Variants in ADGRL3 observed in about 807,000 individuals in gnomAD.
The protein encoded by ADGRL3 is calcium-independent alpha-latrotoxin receptor 3.
In ADGRL3, 62 loss-of-function variants were observed where a neutral mutation model predicts 153.5. That is an observed-to-expected ratio of 0.40 (90% CI 0.33 to 0.50). ADGRL3 has a LOEUF of 0.50. Among genes scored for constraint, ADGRL3 ranks in the 20% least tolerant of loss-of-function variants. ADGRL3 has a pLI of 0.47. For missense variants in ADGRL3, 1,641 were observed against 1,859.4 expected, an observed-to-expected ratio of 0.88 and a Z score of 2.16; for synonymous variants, 710 against 672.5, an observed-to-expected ratio of 1.06 and a Z score of -0.86.
chr4:62,015,313 T>C (rs1402444548), intron 21 of ADGRL3, among the ~76,000 whole-genome samples: 1 of 152,166 alleles, frequency 6.6e-6, no homozygotes, highest in Non-Finnish European at 1.5e-5. Flanking sequence ...CCTATGGAAG[T>C]CGATATTTTA....
At chr4:61,808,478 G>A (rs2097574359) in intron 8 of ADGRL3, among the ~76,000 whole-genome samples, 1 of 152,124 alleles carries the variant, frequency 6.6e-6, no homozygotes, top group South Asian at 2.1e-4. Flanking sequence ...CACTGCAAAT[G>A]TGTAGGATTA....
chr4:61,203,169 C>T (rs1018842254), intron 1 of ADGRL3, among the ~76,000 whole-genome samples: 5 of 152,184 alleles, frequency 3.3e-5, no homozygotes, highest in Non-Finnish European at 7.3e-5. Context: ...GCCAGCGTAA[C>T]TCCTGGTCCC....
chr4:62,046,813 A>T (rs756299310), intron 25 of ADGRL3, among the ~76,000 whole-genome samples: 1 of 151,864 alleles, frequency 6.6e-6, no homozygotes, highest in Admixed American at 6.6e-5. Context: ...AGAAACTCCT[A>T]GTTTTATTCT....
At chr4:61,946,031 C>G (rs1277900137) in intron 15 of ADGRL3, among the ~76,000 whole-genome samples, 3 of 152,026 alleles carry the variant, frequency 2.0e-5, no homozygotes, top group Non-Finnish European at 4.4e-5. Context: ...GACTTGTTTC[C>G]AGTTTGGGCT....
intron 21 of ADGRL3, among the ~76,000 whole-genome samples, chr4:62,025,719 A>G (rs1209818228): frequency 1.3e-5 from 2 of 152,184 alleles, no homozygotes; most frequent in East Asian, 3.8e-4. Context: ...TATAAATGAT[A>G]AGGTAAACCT....
chr4:61,467,548 G>C (rs915285624), intron 2 of ADGRL3, among the ~76,000 whole-genome samples: 1 of 151,722 alleles, frequency 6.6e-6, no homozygotes, highest in Non-Finnish European at 1.5e-5. Context: ...GACTGAGACA[G>C]ATATAGATGA....
intron 6 of ADGRL3, among the ~76,000 whole-genome samples, chr4:61,698,487 A>T (rs985630384): frequency 6.6e-6 from 1 of 152,034 alleles, no homozygotes; most frequent in Non-Finnish European, 1.5e-5. Context: ...ACAAAAACAA[A>T]TACAAAAATA....
At chr4:61,567,717 C>T (rs2098822130) in intron 4 of ADGRL3, among the ~76,000 whole-genome samples, 1 of 152,150 alleles carries the variant, frequency 6.6e-6, no homozygotes, top group Admixed American at 6.5e-5. Context: ...TTCCTCCAAA[C>T]AACCCTAAAT....
chr4:61,798,978 A>T lies in ADGRL3; in HGVS notation c.1400-14831A>T, dbSNP rs1050150883. 1.1e-3 allele frequency among the ~76,000 whole-genome samples: 143 copies of T among 126,850 alleles called. 1 individual carries two copies. Among genetic ancestry groups the T allele is most frequent in the Admixed American group, 2.4e-3 (27 of 11,338 alleles). 83.2% of individuals were successfully genotyped at this position (126,850 alleles called of 152,430 possible). Reference sequence around the variant, plus strand: ...GATATTTTATATGTATTATAACATTATTATATATTATATATAAACAGTATA... The same window carrying T: ...GATATTTTATATGTATTATAACATTTTTATATATTATATATAAACAGTATA... On this transcript the variant is annotated intron_variant, in intron 8 of 26. Coordinates refer to ENST00000683033, the MANE Select transcript of ADGRL3 (RefSeq NM_001387552.1).
At chr4:61,710,848 ATT>A (rs536594693) in intron 6 of ADGRL3, among the ~76,000 whole-genome samples, 3 of 151,930 alleles carry the variant, frequency 2.0e-5, no homozygotes, top group African/African-American at 4.8e-5. Flanking sequence ...AATAATATTG[ATT>A]TTTTTTGTTT....
intron 8 of ADGRL3, among the ~76,000 whole-genome samples, chr4:61,779,939 C>T (rs1430849923): frequency 6.6e-6 from 1 of 152,020 alleles, no homozygotes; most frequent in Admixed American, 6.6e-5. Context: ...AAATCAGAGC[C>T]CTAAGATGTG....
intron 5 of ADGRL3, among the ~76,000 whole-genome samples, chr4:61,604,754 C>T (rs1020728279): frequency 6.6e-6 from 1 of 152,026 alleles, no homozygotes; most frequent in Admixed American, 6.6e-5. Flanking sequence ...AAAAACAAAA[C>T]TTGTTTTTAG....
chr4:61,983,454 G>C lies in ADGRL3; in HGVS notation c.3087G>C (p.Glu1029Asp), dbSNP rs766454216. 6.2e-6 allele frequency: 10 copies of C among 1,613,800 alleles called. No individual in the cohort carries two copies. Among genetic ancestry groups the C allele is most frequent in the Non-Finnish European group, 8.5e-6 (10 of 1,179,876 alleles). ...FLAAFTWMFL[E>D]GVQLYIMLVE... ...CTGCCTTCACCTGGATGTTCCTGGA[G>C]GGGGTGCAGCTTTATATCATGCTGG... is the stretch of plus-strand genomic sequence containing the variant. Residue 1029 changes from glutamate (E) to aspartate (D), a missense_variant, in exon 19 of 27, where the codon GAG becomes GAC. Transcript: ENST00000683033.
rs2098950983 is a variant in ADGRL3 at position 61,587,498 on chromosome 4, T to A, written c.473+58T>A. 13 of 1,200,236 alleles carry A rather than the reference T, an allele frequency of 1.1e-5. No homozygotes were observed. In the South Asian group the frequency reaches 1.7e-4, roughly 15 times the overall value. 74.3% of individuals were successfully genotyped at this position (1,200,236 alleles called of 1,614,324 possible). A position where few individuals can be genotyped will look rare whatever the true frequency, so the allele number is the denominator to read the frequency against. On this transcript the variant is annotated intron_variant, in intron 5 of 26. Transcript: ENST00000683033. The stretch of plus-strand genomic sequence containing the variant: ...ACAATATAAACCTTCAACATCAATC[T>A]GTGTTACATGTTAAGCATAAGAACA...
chr4:61,735,665 C>A (rs1222997213), intron 8 of ADGRL3, among the ~76,000 whole-genome samples: 1 of 152,008 alleles, frequency 6.6e-6, no homozygotes, highest in Non-Finnish European at 1.5e-5. Context: ...GAAATGATTT[C>A]TAATATCTCA....
At position 61,979,714 on chromosome 4, in the gene ADGRL3, T is replaced by G. The variant is rs552348244; in HGVS notation, c.2957T>G (p.Ile986Ser). 1.3e-5 allele frequency: 21 copies of G among 1,614,020 alleles called. No homozygotes were observed. The East Asian group carries it at 4.0e-4, about 31-fold the overall frequency. Residue 986 changes from isoleucine to serine, a missense_variant, in exon 18 of 27, where the codon ATC (isoleucine) becomes AGC (serine). This residue lies in a region of ADGRL3 where 734 missense variants were observed against 797.0 expected (regional missense o/e 0.92). Coordinates refer to ENST00000683033, the MANE Select transcript of ADGRL3 (RefSeq NM_001387552.1). ...DRNTIHKNLCISLFVAELLFL... is the reference protein window; with the variant it reads ...DRNTIHKNLCSSLFVAELLFL... Reference sequence around the variant, plus strand: ...AACACCATCCACAAGAACCTCTGCATCAGTCTCTTTGTAGCAGAGCTGCTC... The same window carrying G: ...AACACCATCCACAAGAACCTCTGCAGCAGTCTCTTTGTAGCAGAGCTGCTC...
At chr4:61,719,135 A>G (rs1242094879) in intron 6 of ADGRL3, among the ~76,000 whole-genome samples, 1 of 152,100 alleles carries the variant, frequency 6.6e-6, no homozygotes, top group Non-Finnish European at 1.5e-5. Flanking sequence ...TGACCTACCC[A>G]ATTTATAACT....
chr4:61,750,796 GAA>G (rs34825890), intron 8 of ADGRL3, among the ~76,000 whole-genome samples: 65,314 of 121,978 alleles, frequency 0.54, 15,264 homozygotes, highest in East Asian at 0.68. Flanking sequence ...TCTCAAAAAA[GAA>G]AAAAAAAAAA....
At chr4:61,281,413 G>C (rs982811380) in intron 1 of ADGRL3, among the ~76,000 whole-genome samples, 1 of 152,104 alleles carries the variant, frequency 6.6e-6, no homozygotes, top group Non-Finnish European at 1.5e-5. Context: ...ACATAAAACT[G>C]TAGGCTCTAA....
Sources: gnomAD v4.1 joint callset for allele counts (sites outside exome capture counted in the v4.1 genomes callset) on GRCh38, gnomAD v4.1.1 for gene constraint, gnomAD v4.1.1 regional missense constraint, MANE v1.5 for transcripts, NCBI Gene and HGNC (gene_info 2026-07-23, HGNC 2026-07-21) for gene names.